ABLIM2: variants seen among roughly 807,000 people sequenced by gnomAD.
ABLIM2 encodes actin binding LIM protein family member 2.
Under a neutral mutation model 97.7 loss-of-function variants are expected in ABLIM2, and 53 were observed. That is an observed-to-expected ratio of 0.54 (90% CI 0.44 to 0.68). The LOEUF is 0.68. Ranked by LOEUF, ABLIM2 falls within the 30% of genes least tolerant of loss-of-function variation. The pLI, the probability that ABLIM2 is intolerant of heterozygous loss-of-function variation, is 0.00. For synonymous variants in ABLIM2, 361 were observed against 345.8 expected, an observed-to-expected ratio of 1.04 and a Z score of -0.49; for missense variants, 835 against 867.2, an observed-to-expected ratio of 0.96 and a Z score of 0.47.
intron 1 of ABLIM2, among the ~76,000 whole-genome samples, chr4:8,126,380 C>T (rs1482805380): frequency 1.3e-5 from 2 of 151,948 alleles, no homozygotes; most frequent in Non-Finnish European, 2.9e-5. Flanking sequence ...CCTGTGTACC[C>T]CCTGCTCTGC....
chr4:8,090,774 G>A (rs1322363378), intron 3 of ABLIM2, among the ~76,000 whole-genome samples: 6 of 130,900 alleles, frequency 4.6e-5, no homozygotes, highest in East Asian at 2.1e-4. Flanking sequence ...TCAGCCTCGC[G>A]TTTTTCAGGT....
rs1374086098 is a variant in ABLIM2, at chr4:8,061,821, T to C, written c.676-767A>G. Among the ~76,000 whole-genome samples the C allele has an allele frequency of 1.3e-5, 2 of 152,198 alleles. No homozygotes were observed. The highest frequency in any genetic ancestry group is 1.3e-4 in the Admixed American group (2 of 15,298). On this transcript the variant is annotated intron_variant, in intron 6 of 20. Coordinates refer to ENST00000447017, the MANE Select transcript of ABLIM2 (RefSeq NM_001130083.2). This position sits in a 1 kb window ranked among gnomAD's most constrained non-coding sequence, Gnocchi z 4.5. ...AGAAGTTTCCTAATCCCTACCTACA[T>C]CTGAATTTATAATAACCAGTTTCCT...
Position 8,054,230 on chromosome 4 carries a change from A to T in ABLIM2, c.780T>A (p.His260Gln), listed in dbSNP as rs750106610. 6.2e-7 allele frequency: 1 copy of T among 1,614,078 alleles called. No individual in the cohort carries two copies. Among genetic ancestry groups the T allele is most frequent in the Non-Finnish European group, 8.5e-7 (1 of 1,179,906 alleles). Residue 260 changes from histidine to glutamine, a missense_variant, in exon 8 of 21, where the codon CAT becomes CAA. Transcript: ENST00000447017. The surrounding 1 kb of genome is among the most constrained non-coding windows in gnomAD (Gnocchi z 4.9). ...EMYLQGSSIW[H>Q]PACRQAARTE... ...TTCTGGCTGCTTGTCGACACGCCGGATGCCAGATGGAGGAACCTGTTGACA... is the reference window on the plus strand; with the variant it reads ...TTCTGGCTGCTTGTCGACACGCCGGTTGCCAGATGGAGGAACCTGTTGACA...
At chr4:8,094,403 A>G (rs1830349109) in intron 3 of ABLIM2, among the ~76,000 whole-genome samples, 1 of 152,114 alleles carries the variant, frequency 6.6e-6, no homozygotes, top group Admixed American at 6.6e-5. Flanking sequence ...GTCTCCAACA[A>G]CTGAGCTCTC....
chr4:8,103,252 C>A (rs1835555871), intron 2 of ABLIM2, among the ~76,000 whole-genome samples: 1 of 152,180 alleles, frequency 6.6e-6, no homozygotes, highest in Admixed American at 6.5e-5. Context: ...TTATTCATCC[C>A]AAAGCACCCT....
chr4:8,053,035 T>G (rs1292657440), intron 8 of ABLIM2, among the ~76,000 whole-genome samples: 1 of 152,138 alleles, frequency 6.6e-6, no homozygotes, highest in Non-Finnish European at 1.5e-5. Context: ...GATGGGGCCA[T>G]AGACCACCCT....
Position 8,033,731 on chromosome 4 carries a change from G to C in ABLIM2, c.1047+2418C>G, listed in dbSNP as rs775100999. 2.4e-4 allele frequency among the ~76,000 whole-genome samples: 37 copies of C among 152,332 alleles called. No individual in the cohort carries two copies. Among genetic ancestry groups the C allele is most frequent in the Middle Eastern group, 3.4e-3 (1 of 294 alleles). ...AGGTCCTGGGGTCAGGATCATCCAT[G>C]GTTCACAGATGTCCTGCCATTTGAG... On this transcript the variant is annotated intron_variant, in intron 10 of 20. Coordinates refer to ENST00000447017, the MANE Select transcript of ABLIM2 (RefSeq NM_001130083.2). This position sits in a 1 kb window ranked among gnomAD's most constrained non-coding sequence, Gnocchi z 4.5.
chr4:8,158,621 C>A, intron 1 of ABLIM2, 59 bp downstream of exon 1: 1 of 1,503,502 alleles, frequency 6.7e-7, no homozygotes, highest in Non-Finnish European at 8.8e-7. Flanking sequence ...GCCACCCAGC[C>A]CTTGCGGCGC....
intron 18 of ABLIM2, among the ~76,000 whole-genome samples, chr4:7,984,438 G>T (rs2149710967): frequency 6.6e-6 from 1 of 152,346 alleles, no homozygotes; most frequent in Non-Finnish European, 1.5e-5. Context: ...CCTCCTAGTA[G>T]CCCTGCTGAA....
intron 1 of ABLIM2, among the ~76,000 whole-genome samples, chr4:8,134,543 C>A (rs1255273223): frequency 1.3e-5 from 2 of 152,198 alleles, no homozygotes; most frequent in Non-Finnish European, 2.9e-5. Context: ...CCACATGCCC[C>A]GTCTGCCTCC....
intron 17 of ABLIM2, among the ~76,000 whole-genome samples, chr4:7,988,842 T>G (rs775900231): frequency 6.6e-6 from 1 of 152,226 alleles, no homozygotes; most frequent in Non-Finnish European, 1.5e-5. Context: ...GACTGTCTGA[T>G]GCTAACACAT....
At position 8,155,035 on chromosome 4, in the gene ABLIM2, T is replaced by A. The variant is rs1188696735; in HGVS notation, c.10+3645A>T. 6.6e-6 allele frequency among the ~76,000 whole-genome samples: 1 copy of A among 152,212 alleles called. No individual in the cohort carries two copies. The highest frequency in any genetic ancestry group is 1.5e-5 in the Non-Finnish European group (1 of 68,036). ...AACAGTATGGGGGAAACCACCCCTG[T>A]GATTCAATTATCTCCACCTGGCCCT... On this transcript the variant is annotated intron_variant, in intron 1 of 20. Transcript: ENST00000447017. The surrounding 1 kb of genome is among the most constrained non-coding windows in gnomAD (Gnocchi z 4.2).
In ABLIM2 at chr4:8,004,038, G is replaced by T. The variant is rs554951888; in HGVS notation, c.1618+4021C>A. Among the ~76,000 whole-genome samples the T allele has an allele frequency of 6.6e-6, 1 of 152,224 alleles. No homozygotes were observed. Among genetic ancestry groups the T allele is most frequent in the South Asian group, 2.1e-4 (1 of 4,816 alleles). On this transcript the variant is annotated intron_variant, in intron 16 of 20. Coordinates refer to ENST00000447017, the MANE Select transcript of ABLIM2 (RefSeq NM_001130083.2). This position sits in a 1 kb window ranked among gnomAD's most constrained non-coding sequence, Gnocchi z 5.9. ...TAAGGAACGCGAGAAGAACTCTTCT[G>T]CCCCATCTTGCAGCTCCAGAGGAGT...
chr4:8,153,107 C>T (rs770203591), intron 1 of ABLIM2, among the ~76,000 whole-genome samples: 39 of 152,100 alleles, frequency 2.6e-4, no homozygotes, highest in Non-Finnish European at 8.8e-5. Context: ...AGGCAGTGCC[C>T]GCTTAAAGGG....
At chr4:7,993,161 C>A (rs1356532487) in intron 16 of ABLIM2, among the ~76,000 whole-genome samples, 1 of 152,242 alleles carries the variant, frequency 6.6e-6, no homozygotes, top group Non-Finnish European at 1.5e-5. Flanking sequence ...GGAAATGCCA[C>A]AGAACCTCAG....
chr4:8,071,386 A>G lies in ABLIM2; in HGVS notation c.675+6242T>C, dbSNP rs763750182. On this transcript the variant is annotated intron_variant, in intron 6 of 20. Coordinates refer to ENST00000447017, the MANE Select transcript of ABLIM2 (RefSeq NM_001130083.2). This position sits in a 1 kb window ranked among gnomAD's most constrained non-coding sequence, Gnocchi z 6.2. Reference sequence around the variant, plus strand: ...ATGGGTGGGATGCAGGCCAACATGCATGAGGGTGCTGCACGTTTAGGAGAA... The same window carrying G: ...ATGGGTGGGATGCAGGCCAACATGCGTGAGGGTGCTGCACGTTTAGGAGAA... 9.9e-5 allele frequency among the ~76,000 whole-genome samples: 15 copies of G among 152,168 alleles called. No homozygotes were observed. The highest frequency in any genetic ancestry group is 1.3e-4 in the Non-Finnish European group (9 of 68,028).
chr4:8,017,452 A>AT (rs951100606), intron 14 of ABLIM2, among the ~76,000 whole-genome samples: 18 of 151,176 alleles, frequency 1.2e-4, no homozygotes, highest in African/African-American at 3.9e-4. Flanking sequence ...ACACCTGGCT[A>AT]TTTTTTTTGT....
intron 5 of ABLIM2, among the ~76,000 whole-genome samples, chr4:8,080,316 G>A (rs541280544): frequency 2.6e-5 from 4 of 152,304 alleles, no homozygotes; most frequent in Admixed American, 6.5e-5. Flanking sequence ...TCCAGGCGCC[G>A]GAAAGGCAGC....
chr4:7,978,537 G>A (rs1172550601), intron 20 of ABLIM2, among the ~76,000 whole-genome samples: 2 of 152,338 alleles, frequency 1.3e-5, no homozygotes, highest in Middle Eastern at 3.4e-3. Flanking sequence ...GGACGCTGCT[G>A]CTGGGCCAGG....
Sources: allele counts gnomAD v4.1 joint callset (sites outside exome capture counted in the v4.1 genomes callset), GRCh38; gene constraint gnomAD v4.1.1; non-coding constraint Gnocchi (gnomAD v3.1); transcripts MANE v1.5; gene names NCBI Gene and HGNC (gene_info 2026-07-23, HGNC 2026-07-21).